Variants in FBXL14 observed in about 807,000 individuals in gnomAD.
FBXL14 encodes the protein F-box/LRR-repeat protein 14.
A neutral mutation model predicts 24.5 loss-of-function variants in FBXL14; 11 were observed. That is an observed-to-expected ratio of 0.45 (90% CI 0.28 to 0.74). The LOEUF (loss-of-function observed/expected upper bound fraction) is 0.74. FBXL14 is among the 30% of genes least tolerant of loss of function. The pLI, the probability that FBXL14 is intolerant of heterozygous loss-of-function variation, is 0.12. For synonymous variants in FBXL14, 294 were observed against 240.4 expected (o/e 1.22, Z -2.06); for missense variants, 384 against 545.6 (o/e 0.70, Z 2.95).
rs1003879694 is a variant in FBXL14 at position 1,579,768 on chromosome 12, G to C, written c.1195-12958C>G. Among the ~76,000 whole-genome samples, 54 of 152,186 alleles carry C rather than the reference G, an allele frequency of 3.5e-4. No homozygotes were observed. Among genetic ancestry groups the C allele is most frequent in the African/African-American group, 1.3e-3 (53 of 41,434 alleles). ...AACAGTCTAATCCTTGATCATTCCA[G>C]AGTGAGTTTAGGAATTTGTAGTCAT... On this transcript the variant is annotated intron_variant, in intron 1 of 1. Transcript: ENST00000339235. This position sits in a 1 kb window ranked among gnomAD's most constrained non-coding sequence, Gnocchi z 4.3.
At chr12:1,580,935 A>G (rs1308086211) in intron 1 of FBXL14, among the ~76,000 whole-genome samples, 2 of 152,176 alleles carry the variant, frequency 1.3e-5, no homozygotes, top group Admixed American at 1.3e-4. Flanking sequence ...GGGAACTAAC[A>G]GGCTTGAACA....
intron 1 of FBXL14, 78 bp from the exon 2 acceptor site, chr12:1,566,888 T>A: frequency 1.3e-6 from 1 of 748,110 alleles, no homozygotes. Flanking sequence ...TCGCCTCCCC[T>A]AACCCCACCG....
intron 1 of FBXL14, among the ~76,000 whole-genome samples, chr12:1,583,132 T>C (rs868231494): frequency 1.5e-5 from 2 of 133,718 alleles, no homozygotes; most frequent in Non-Finnish European, 3.0e-5. Context: ...TTAAAAAAAA[T>C]TAAAAAAAAG....
chr12:1,573,860 C>G (rs1386432331), intron 1 of FBXL14, among the ~76,000 whole-genome samples: 1 of 152,174 alleles, frequency 6.6e-6, no homozygotes, highest in East Asian at 1.9e-4. Context: ...ACACAATTAG[C>G]TGGGCGTGGT....
intron 1 of FBXL14, among the ~76,000 whole-genome samples, chr12:1,577,603 A>G (rs142186747): frequency 3.9e-5 from 6 of 152,232 alleles, no homozygotes; most frequent in Non-Finnish European, 5.9e-5. Context: ...GTGCAGAGTT[A>G]GAATGCTTCT....
At chr12:1,572,421 T>C (rs538590261) in intron 1 of FBXL14, among the ~76,000 whole-genome samples, 3 of 152,388 alleles carry the variant, frequency 2.0e-5, no homozygotes, top group East Asian at 1.9e-4. Context: ...GTGCAGATAA[T>C]GTGCCCCTTT....
In FBXL14 at chr12:1,592,947, G is replaced by A. The variant is rs775485373; in HGVS notation, c.1120C>T (p.Leu374=). ...YGCTRITKRG[L]ERITQLPCLK... ...CACGGCAGCTGCGTGATGCGCTCCA[G>A]GCCGCGCTTGGTGATTCGGGTGCAG... The change falls in exon 1 of 2, where the codon CTG becomes TTG. Residue 374 remains leucine (L), a synonymous_variant. Transcript: ENST00000339235. 4.3e-6 allele frequency: 7 copies of A among 1,613,076 alleles called. No homozygotes were observed. In the Admixed American group the frequency reaches 1.0e-4, roughly 23 times the overall value.
chr12:1,580,127 G>A (rs901138893), intron 1 of FBXL14, among the ~76,000 whole-genome samples: 3 of 152,218 alleles, frequency 2.0e-5, no homozygotes, highest in Non-Finnish European at 4.4e-5. Flanking sequence ...CGAGGGAAGG[G>A]TCAGTGCATA....
chr12:1,593,134 G>A lies in FBXL14; in HGVS notation c.933C>T (p.Ser311=). The change falls in exon 1 of 2, where the codon TCC becomes TCT. Residue 311 remains serine (S), a synonymous_variant. Coordinates refer to ENST00000339235, the MANE Select transcript of FBXL14 (RefSeq NM_152441.3). This position sits in a 1 kb window ranked among gnomAD's most constrained non-coding sequence, Gnocchi z 7.4. Reference sequence around the variant, plus strand: ...CATCACTGATGTGGCAGGAGCAGAGGGAGAGAGACTTGAGGCCATCCAGCC... The same window carrying A: ...CATCACTGATGTGGCAGGAGCAGAGAGAGAGAGACTTGAGGCCATCCAGCC... The part of the protein sequence containing the change: ...AQGLDGLKSL[S]LCSCHISDDG... 3 of 1,613,756 alleles carry A rather than the reference G, an allele frequency of 1.9e-6. No homozygotes were observed. The highest frequency in any genetic ancestry group is 1.3e-5 in the African/African-American group (1 of 75,058).
In FBXL14 at chr12:1,569,695, C is replaced by T. The variant is rs530046647; in HGVS notation, c.1195-2885G>A. Among the ~76,000 whole-genome samples, 3 of 152,354 alleles carry T rather than the reference C, an allele frequency of 2.0e-5. No homozygotes were observed. The highest frequency in any genetic ancestry group is 1.9e-4 in the East Asian group (1 of 5,184). ...GATTACAGGCGTGAGCCACCGCTCC[C>T]GGCACCACTTGGTTCTTTATGGCTG... On this transcript the variant is annotated intron_variant, in intron 1 of 1. Transcript: ENST00000339235. This position sits in a 1 kb window ranked among gnomAD's most constrained non-coding sequence, Gnocchi z 4.2.
chr12:1,566,902 C>G, intron 1 of FBXL14, 92 bp from the exon 2 acceptor site: 2 of 713,162 alleles, frequency 2.8e-6, no homozygotes, highest in Non-Finnish European at 5.2e-6. Context: ...CCCACCGCGG[C>G]TTTATCAGCG....
chr12:1,580,657 A>G (rs1235207518), intron 1 of FBXL14, among the ~76,000 whole-genome samples: 2 of 152,152 alleles, frequency 1.3e-5, no homozygotes. Flanking sequence ...AGGTGGGGAA[A>G]GGGACCTGCA....
chr12:1,586,719 G>A (rs1008020501), intron 1 of FBXL14, among the ~76,000 whole-genome samples: 29 of 152,136 alleles, frequency 1.9e-4, no homozygotes, highest in African/African-American at 6.8e-4. Flanking sequence ...TGCCAGATTT[G>A]GGAAAACAAA....
chr12:1,594,209 C>T lies in FBXL14; in HGVS notation c.-143G>A. The T allele has an allele frequency of 2.3e-6, 1 of 433,716 alleles. No homozygotes were observed. Among genetic ancestry groups the T allele is most frequent in the Non-Finnish European group, 3.3e-6 (1 of 306,442 alleles). 26.9% of individuals were successfully genotyped at this position (433,716 alleles called of 1,614,324 possible). A position where few individuals can be genotyped will look rare whatever the true frequency, so the allele number is the denominator to read the frequency against. On this transcript the variant is annotated 5_prime_UTR_variant, in exon 1 of 2. Coordinates refer to ENST00000339235, the MANE Select transcript of FBXL14 (RefSeq NM_152441.3). ...TCGGGCCCAACGGCCGGCCCCTCCC[C>T]GCCTTCCGGCTCCGGCCGCCGCCGC...
chr12:1,578,002 G>A (rs1328306067), intron 1 of FBXL14, among the ~76,000 whole-genome samples: 3 of 152,180 alleles, frequency 2.0e-5, no homozygotes, highest in African/African-American at 7.2e-5. Flanking sequence ...TTTCTCCGTG[G>A]ATTCAGGGGC....
In FBXL14 at chr12:1,579,337, C is replaced by G. The variant is rs1177347816; in HGVS notation, c.1195-12527G>C. Among the ~76,000 whole-genome samples, 3 of 151,030 alleles carry G rather than the reference C, an allele frequency of 2.0e-5. No individual in the cohort carries two copies. The highest frequency in any genetic ancestry group is 2.4e-5 in the African/African-American group (1 of 41,334). ...AGAGGTTTTAAAAAATAATCTGGGC[C>G]GGGCACGGTGGCTCACGCCTGTAAT... is the stretch of plus-strand genomic sequence containing the variant. On this transcript the variant is annotated intron_variant, in intron 1 of 1. Coordinates refer to ENST00000339235, the MANE Select transcript of FBXL14 (RefSeq NM_152441.3). This position sits in a 1 kb window ranked among gnomAD's most constrained non-coding sequence, Gnocchi z 4.3.
At chr12:1,589,487 AG>A (rs2094484607) in intron 1 of FBXL14, among the ~76,000 whole-genome samples, 1 of 77,850 alleles carries the variant, frequency 1.3e-5, no homozygotes, top group Non-Finnish European at 2.4e-5. Flanking sequence ...GAAGGAAGGG[AG>A]GGAGGGAGGG....
chr12:1,575,612 G>A (rs1027619537), intron 1 of FBXL14, among the ~76,000 whole-genome samples: 2 of 152,242 alleles, frequency 1.3e-5, no homozygotes, highest in African/African-American at 4.8e-5. Flanking sequence ...CCTCCGAATC[G>A]GCCCTCTCCA....
At position 1,568,741 on chromosome 12, in the gene FBXL14, A is replaced by G. The variant is rs922397415; in HGVS notation, c.1195-1931T>C. Among the ~76,000 whole-genome samples the G allele has an allele frequency of 2.0e-5, 3 of 152,208 alleles. No individual in the cohort carries two copies. The South Asian group carries it at 6.2e-4, about 32-fold the overall frequency. On this transcript the variant is annotated intron_variant, in intron 1 of 1. Coordinates refer to ENST00000339235, the MANE Select transcript of FBXL14 (RefSeq NM_152441.3). The stretch of plus-strand genomic sequence containing the variant: ...CCTGGCGTGGTGGCGGGCGCCTGTA[A>G]TCCCAGCTACTCGCGAGGCTGAGGC...
Sources: allele counts gnomAD v4.1 joint callset (sites outside exome capture counted in the v4.1 genomes callset), GRCh38; gene constraint gnomAD v4.1.1; non-coding constraint Gnocchi (gnomAD v3.1); transcripts MANE v1.5; gene names NCBI Gene and HGNC (gene_info 2026-07-23, HGNC 2026-07-21).